Variants in MYO18B observed in about 807,000 individuals in gnomAD.
MYO18B encodes myosin XVIIIB.
A neutral mutation model predicts 273.0 loss-of-function variants in MYO18B; 204 were observed. That is an observed-to-expected ratio of 0.75 (90% confidence interval 0.67 to 0.84). The LOEUF (loss-of-function observed/expected upper bound fraction) is 0.84, where lower values mean the gene tolerates loss of function less well. Ranked by LOEUF, MYO18B falls within the 40% of genes least tolerant of loss-of-function variation. The pLI is 0.00. For synonymous variants in MYO18B, 1,330 were observed against 1,305.7 expected (o/e 1.02, Z -0.40); for missense variants, 3,212 against 3,287.6 (o/e 0.98, Z 0.56).
chr22:25,967,893 A>G (rs926748432), intron 39 of MYO18B, among the ~76,000 whole-genome samples: 1 of 152,120 alleles, frequency 6.6e-6, no homozygotes, highest in Admixed American at 6.5e-5. Flanking sequence ...ATGACATCAC[A>G]TTGGTAGCTT....
intron 39 of MYO18B, among the ~76,000 whole-genome samples, chr22:25,970,197 T>C (rs1601718605): frequency 1.3e-5 from 2 of 152,146 alleles, no homozygotes; most frequent in East Asian, 3.9e-4. Context: ...AAATTATTAT[T>C]ATCACTCTCA....
intron 39 of MYO18B, among the ~76,000 whole-genome samples, chr22:25,968,134 C>T (rs1439313603): frequency 6.6e-6 from 1 of 152,168 alleles, no homozygotes; most frequent in Non-Finnish European, 1.5e-5. Flanking sequence ...AAAGAGGGCC[C>T]CTTCCACCCA....
chr22:25,992,157 C>T (rs1242375720), intron 39 of MYO18B, among the ~76,000 whole-genome samples: 2 of 152,218 alleles, frequency 1.3e-5, no homozygotes, highest in Non-Finnish European at 2.9e-5. Context: ...CCTGGAGTAT[C>T]TATTCCCTCC....
intron 15 of MYO18B, among the ~76,000 whole-genome samples, chr22:25,830,434 C>T (rs1386201339): frequency 6.6e-6 from 1 of 152,186 alleles, no homozygotes; most frequent in Admixed American, 6.5e-5. Context: ...TCTCTTGGTC[C>T]AGGATGGTTC....
At chr22:25,932,827 A>T (rs1208441859) in intron 34 of MYO18B, among the ~76,000 whole-genome samples, 3 of 149,630 alleles carry the variant, frequency 2.0e-5, no homozygotes, top group Non-Finnish European at 3.0e-5. Flanking sequence ...TGAGCAAAGA[A>T]TTTTTTTTTT....
chr22:25,891,015 G>A, intron 26 of MYO18B, 140 bp downstream of exon 26: 2 of 1,262,558 alleles, frequency 1.6e-6, no homozygotes, highest in Non-Finnish European at 2.2e-6. Context: ...AAGGTCCTGG[G>A]GGACACTTAG....
At chr22:26,062,615 T>C in the MYO18B span, among the ~76,000 whole-genome samples, 1 of 152,224 alleles carries the variant, frequency 6.6e-6, no homozygotes, top group South Asian at 2.1e-4. Flanking sequence ...TATTTTACTA[T>C]TATTAATAAT....
chr22:25,901,378 T>C (rs2091931218), intron 29 of MYO18B: 2 of 152,222 alleles, frequency 1.3e-5, no homozygotes, highest in Non-Finnish European at 2.9e-5. Context: ...CAAAGCCTTC[T>C]CTATCGGTTT....
chr22:26,031,246 C>A (rs1322791551), downstream of MYO18B, among the ~76,000 whole-genome samples: 1 of 152,110 alleles, frequency 6.6e-6, no homozygotes, highest in Non-Finnish European at 1.5e-5. Context: ...TCCCCAGGAC[C>A]CCTCTGGTGT....
intron 21 of MYO18B, among the ~76,000 whole-genome samples, chr22:25,864,568 G>A (rs184214380): frequency 2.0e-5 from 3 of 152,298 alleles, no homozygotes; most frequent in Admixed American, 6.5e-5. Context: ...TGATCCCAGC[G>A]TTGGAGGGTG....
intron 20 of MYO18B, among the ~76,000 whole-genome samples, chr22:25,848,824 G>T (rs2090335524): frequency 6.6e-6 from 1 of 152,148 alleles, no homozygotes; most frequent in Non-Finnish European, 1.5e-5. Context: ...AGGGTGGCTG[G>T]GACAGGCAGA....
In MYO18B at chr22:25,955,159, T is replaced by G; in HGVS notation, c.5971-20T>G. ...CTGGCCTCCAACTCCAAGGTGGGCA[T>G]GTGTCTCTGCCCCTCCCAGGTCCTG... On this transcript the variant is annotated intron_variant, in intron 38 of 43. Transcript: ENST00000335473. The G allele has an allele frequency of 1.3e-6, 2 of 1,570,994 alleles. No homozygotes were observed. The highest frequency in any genetic ancestry group is 1.7e-6 in the Non-Finnish European group (2 of 1,155,492).
intron 11 of MYO18B, among the ~76,000 whole-genome samples, chr22:25,791,312 C>G (rs2087650185): frequency 6.6e-6 from 1 of 152,208 alleles, no homozygotes; most frequent in Non-Finnish European, 1.5e-5. Flanking sequence ...AGTGTTCTGG[C>G]TACACTGAGC....
chr22:25,787,309 C>CACACACACACACACACACAG (rs57856007), intron 11 of MYO18B, among the ~76,000 whole-genome samples: 120 of 144,778 alleles, frequency 8.3e-4, no homozygotes, highest in African/African-American at 2.6e-3. Flanking sequence ...CACACACACA[C>CACACACACACACACACACAG]AGTCTGTCTT....
At chr22:25,987,642 G>C (rs1192097882) in intron 39 of MYO18B, among the ~76,000 whole-genome samples, 1 of 152,088 alleles carries the variant, frequency 6.6e-6, no homozygotes, top group Non-Finnish European at 1.5e-5. Flanking sequence ...TGGTAATACA[G>C]ATGATTTCCC....
At chr22:25,955,596 A>G (rs904430582) in intron 39 of MYO18B, among the ~76,000 whole-genome samples, 8 of 152,186 alleles carry the variant, frequency 5.3e-5, no homozygotes, top group African/African-American at 1.9e-4. Context: ...CTGCTGCCGG[A>G]TGGCTGCCAA....
At chr22:25,885,150 G>A (rs1485568684) in intron 25 of MYO18B, among the ~76,000 whole-genome samples, 3 of 152,176 alleles carry the variant, frequency 2.0e-5, no homozygotes, top group African/African-American at 7.2e-5. Flanking sequence ...GCCAGCTGCT[G>A]CGATAAGTCC....
intron 25 of MYO18B, among the ~76,000 whole-genome samples, chr22:25,879,685 G>C (rs567143062): frequency 1.2e-4 from 18 of 152,254 alleles, no homozygotes; most frequent in African/African-American, 4.3e-4. Flanking sequence ...CATATGCTGT[G>C]CTAGTCCATT....
downstream of MYO18B, among the ~76,000 whole-genome samples, chr22:26,035,263 C>T (rs1328245233): frequency 6.6e-6 from 1 of 152,192 alleles, no homozygotes; most frequent in African/African-American, 2.4e-5. Flanking sequence ...GTCAGGGTGC[C>T]TTCTACTCTC....
Sources: allele counts gnomAD v4.1 joint callset (sites outside exome capture counted in the v4.1 genomes callset), GRCh38; gene constraint gnomAD v4.1.1; transcripts MANE v1.5; gene names NCBI Gene and HGNC (gene_info 2026-07-23, HGNC 2026-07-21).